Variants in ROBO2 observed in about 807,000 individuals in gnomAD.
ROBO2 encodes roundabout homolog 2.
A neutral mutation model predicts 160.8 loss-of-function variants in ROBO2; 53 were observed. The observed-to-expected ratio is 0.33, with a 90% CI of 0.26 to 0.41. The LOEUF (loss-of-function observed/expected upper bound fraction) is 0.41. Ranked by LOEUF, ROBO2 falls within the 10% of genes least tolerant of loss-of-function variation. The probability of loss-of-function intolerance (pLI) is 1.00; values close to 1 mark genes in which losing one functional copy is unlikely to be tolerated. For synonymous variants in ROBO2, 664 were observed against 611.7 expected, an observed-to-expected ratio of 1.09 and a Z score of -1.26; for missense variants, 1,577 against 1,722.4, an observed-to-expected ratio of 0.92 and a Z score of 1.49.
At chr3:76,234,419 A>C (rs1704810119) in intron 2 of ROBO2, among the ~76,000 whole-genome samples, 2 of 152,166 alleles carry the variant, frequency 1.3e-5, no homozygotes, top group Admixed American at 1.3e-4. Context: ...GGGTTGGTGC[A>C]ATAGTAATTG....
intron 2 of ROBO2, among the ~76,000 whole-genome samples, chr3:76,363,778 G>A (rs892881737): frequency 1.3e-5 from 2 of 151,920 alleles, no homozygotes; most frequent in African/African-American, 2.4e-5. Context: ...ATTAGTGGAT[G>A]TTTTGAAAGT....
intron 2 of ROBO2, among the ~76,000 whole-genome samples, chr3:76,060,106 A>G (rs2068018640): frequency 1.0e-5 from 1 of 98,642 alleles, no homozygotes; most frequent in African/African-American, 4.2e-5. Flanking sequence ...CAGCTAGAAA[A>G]TGTTTTTTTT....
intron 2 of ROBO2, among the ~76,000 whole-genome samples, chr3:76,014,794 G>A (rs2107634772): frequency 6.6e-6 from 1 of 152,306 alleles, no homozygotes; most frequent in African/African-American, 2.4e-5. Context: ...TGGGTGCAGT[G>A]GCACGTGCGT....
chr3:76,534,692 G>A (rs910596845), intron 2 of ROBO2, among the ~76,000 whole-genome samples: 1 of 152,144 alleles, frequency 6.6e-6, no homozygotes, highest in Non-Finnish European at 1.5e-5. Flanking sequence ...CCGTATATGT[G>A]TATCAACCCA....
At chr3:76,109,454 G>A (rs868826469) in intron 2 of ROBO2, among the ~76,000 whole-genome samples, 1 of 151,956 alleles carries the variant, frequency 6.6e-6, no homozygotes, top group African/African-American at 2.4e-5. Flanking sequence ...GATAAAATAT[G>A]CACGGCAAAG....
chr3:76,174,078 C>T (rs1025980706), intron 2 of ROBO2, among the ~76,000 whole-genome samples: 5 of 152,154 alleles, frequency 3.3e-5, no homozygotes, highest in African/African-American at 1.2e-4. Flanking sequence ...CGTGGTATCT[C>T]ATTGTGGTTT....
At chr3:75,985,060 A>G (rs986319565) in intron 2 of ROBO2, among the ~76,000 whole-genome samples, 1 of 151,332 alleles carries the variant, frequency 6.6e-6, no homozygotes, top group African/African-American at 2.4e-5. Context: ...TTTTATTTAG[A>G]TTTATCTAAA....
At chr3:77,563,985 T>G (rs2093409696) in intron 11 of ROBO2, among the ~76,000 whole-genome samples, 1 of 152,138 alleles carries the variant, frequency 6.6e-6, no homozygotes, top group Non-Finnish European at 1.5e-5. Flanking sequence ...CTTACACAAA[T>G]GGTAAAATAT....
At chr3:76,402,607 C>A (rs564654300) in intron 2 of ROBO2, among the ~76,000 whole-genome samples, 47 of 151,568 alleles carry the variant, frequency 3.1e-4, no homozygotes, top group Non-Finnish European at 4.3e-4. Context: ...AAGGAAGAAC[C>A]CGTTTCCTAC....
chr3:77,493,269 A>G, exon 5 of ROBO2: 1 of 1,613,912 alleles, frequency 6.2e-7, no homozygotes, highest in Non-Finnish European at 8.5e-7. Flanking sequence ...TCAGGAGGCC[A>G]ATTAACCAGG....
chr3:76,819,373 G>A (rs1412665891), intron 2 of ROBO2, among the ~76,000 whole-genome samples: 2 of 152,002 alleles, frequency 1.3e-5, no homozygotes, highest in African/African-American at 2.4e-5. Context: ...TTGCCTCTCC[G>A]ATCCCTTGTT....
intron 2 of ROBO2, among the ~76,000 whole-genome samples, chr3:76,037,091 A>G (rs2067134074): frequency 6.6e-6 from 1 of 151,852 alleles, no homozygotes; most frequent in Non-Finnish European, 1.5e-5. Context: ...ATCCATCTCC[A>G]TTGTATATCA....
chr3:77,562,789 C>G, intron 10 of ROBO2, 57 bp downstream of exon 11: 1 of 1,212,386 alleles, frequency 8.2e-7, no homozygotes, highest in Non-Finnish European at 1.2e-6. Flanking sequence ...AGCTCAATAT[C>G]AAATAATAAG....
chr3:76,328,852 C>G (rs574061444), intron 2 of ROBO2, among the ~76,000 whole-genome samples: 5 of 150,272 alleles, frequency 3.3e-5, no homozygotes, highest in African/African-American at 9.8e-5. Context: ...GAGCGAGACT[C>G]CGTCTCAAAA....
chr3:76,092,769 C>T (rs562133028), intron 2 of ROBO2, among the ~76,000 whole-genome samples: 1 of 152,174 alleles, frequency 6.6e-6, no homozygotes, highest in South Asian at 2.1e-4. Flanking sequence ...ATCTGTGAAG[C>T]TGTTTTCTAA....
intron 5 of ROBO2, among the ~76,000 whole-genome samples, chr3:77,509,631 G>A (rs890849746): frequency 6.6e-6 from 1 of 152,042 alleles, no homozygotes; most frequent in African/African-American, 2.4e-5. Context: ...AAAATAAAGT[G>A]ATTCTTCTGC....
intron 2 of ROBO2, among the ~76,000 whole-genome samples, chr3:75,972,765 A>G (rs2065031679): frequency 6.6e-6 from 1 of 151,656 alleles, no homozygotes; most frequent in African/African-American, 2.4e-5. Flanking sequence ...CTCTTTTGCA[A>G]CATGTCCTCT....
intron 2 of ROBO2, among the ~76,000 whole-genome samples, chr3:76,946,714 A>C (rs547593908): frequency 6.0e-4 from 92 of 152,302 alleles, no homozygotes; most frequent in African/African-American, 2.1e-3. Context: ...TTGGGATTAC[A>C]GACGTGAGCC....
chr3:77,164,955 A>G (rs1246462868), intron 2 of ROBO2, among the ~76,000 whole-genome samples: 17 of 105,130 alleles, frequency 1.6e-4, no homozygotes, highest in African/African-American at 2.6e-4. Flanking sequence ...CAGCCCCCCA[A>G]CCCGGCCAGC....
Sources: gnomAD v4.1 joint callset for allele counts (sites outside exome capture counted in the v4.1 genomes callset) on GRCh38, gnomAD v4.1.1 for gene constraint, MANE v1.5 for transcripts, NCBI Gene and HGNC (gene_info 2026-07-23, HGNC 2026-07-21) for gene names.